The following CPQ variants were observed in gnomAD, a reference collection of about 807,000 sequenced individuals.
CPQ encodes the protein Ser-Met dipeptidase.
CPQ carries 37 observed loss-of-function variants against 45.7 expected under a neutral mutation model. The ratio of observed to expected loss-of-function variants is 0.81; its 90% confidence interval spans 0.62 to 1.07. The LOEUF (loss-of-function observed/expected upper bound fraction) is 1.07, where lower values mean the gene tolerates loss of function less well. Among genes scored for constraint, CPQ ranks in the 50% least tolerant of loss-of-function variants. The pLI is 0.00. For missense variants in CPQ, 537 were observed against 572.9 expected, an observed-to-expected ratio of 0.94 and a Z score of 0.64; for synonymous variants, 186 against 205.8, an observed-to-expected ratio of 0.90 and a Z score of 0.82.
chr8:96,986,393 G>T (rs1808981356), intron 5 of CPQ, among the ~76,000 whole-genome samples: 1 of 152,162 alleles, frequency 6.6e-6, no homozygotes, highest in Non-Finnish European at 1.5e-5. Flanking sequence ...TATATAATCA[G>T]CTCTCAAAGA....
At chr8:96,791,593 T>A (rs1313492604) in intron 2 of CPQ, among the ~76,000 whole-genome samples, 2 of 152,186 alleles carry the variant, frequency 1.3e-5, no homozygotes, top group Non-Finnish European at 2.9e-5. Flanking sequence ...CCTCGTTCCA[T>A]GGGGCTCAAA....
At chr8:96,967,443 A>G (rs983569103) in intron 5 of CPQ, among the ~76,000 whole-genome samples, 1 of 152,212 alleles carries the variant, frequency 6.6e-6, no homozygotes, top group Non-Finnish European at 1.5e-5. Context: ...CTAGATTGGA[A>G]TAAAAATTGT....
intron 1 of CPQ, among the ~76,000 whole-genome samples, chr8:96,720,951 G>C (rs1346376590): frequency 6.6e-6 from 1 of 151,118 alleles, no homozygotes; most frequent in Non-Finnish European, 1.5e-5. Flanking sequence ...TTAATAAGGT[G>C]TTCATGGGTT....
chr8:97,051,234 G>A (rs940757269), intron 6 of CPQ, among the ~76,000 whole-genome samples: 1 of 152,060 alleles, frequency 6.6e-6, no homozygotes, highest in African/African-American at 2.4e-5. Flanking sequence ...GAAACCTATG[G>A]ACCTCTTTTC....
intron 1 of CPQ, among the ~76,000 whole-genome samples, chr8:96,737,791 T>A (rs946391364): frequency 6.6e-6 from 1 of 152,112 alleles, no homozygotes; most frequent in African/African-American, 2.4e-5. Context: ...TGTTTCTTAT[T>A]ATAAGTATTT....
At chr8:96,979,862 A>T (rs1813859088) in intron 5 of CPQ, among the ~76,000 whole-genome samples, 1 of 152,130 alleles carries the variant, frequency 6.6e-6, no homozygotes, top group Non-Finnish European at 1.5e-5. Context: ...TGCCCTCCTC[A>T]TATTAGATAA....
intron 7 of CPQ, among the ~76,000 whole-genome samples, chr8:97,102,996 G>A (rs1811340546): frequency 6.6e-6 from 1 of 151,940 alleles, no homozygotes; most frequent in African/African-American, 2.4e-5. Flanking sequence ...CTAGTGCCTT[G>A]GGGCCCCTTC....
At chr8:96,808,020 G>T (rs376318987) in intron 2 of CPQ, among the ~76,000 whole-genome samples, 5 of 152,168 alleles carry the variant, frequency 3.3e-5, no homozygotes, top group Admixed American at 2.0e-4. Context: ...ACAAAGCTGG[G>T]ATTCCGTGCT....
Position 97,102,685 on chromosome 8 carries a change from T to C in CPQ, c.1255+36475T>C, listed in dbSNP as rs1231293886. Among the ~76,000 whole-genome samples the C allele has an allele frequency of 2.0e-5, 3 of 152,230 alleles. No individual in the cohort carries two copies. In the East Asian group the frequency reaches 5.8e-4, roughly 29 times the overall value. On this transcript the variant is annotated intron_variant, in intron 7 of 7. Transcript: ENST00000220763. ...CTGTAAAATGAGATTAAAAACAGTG[T>C]CACTGAGGGAATTATGGTGCACTAA...
At chr8:97,028,086 ATGTAGAAATTGCT>A (rs1167728929) in intron 5 of CPQ, among the ~76,000 whole-genome samples, 1 of 152,222 alleles carries the variant, frequency 6.6e-6, no homozygotes. Context: ...GAGGAACTGA[ATGTAGAAATTGCT>A]TGTCCATGTT....
intron 7 of CPQ, among the ~76,000 whole-genome samples, chr8:97,129,921 T>A (rs1811913993): frequency 1.3e-5 from 2 of 152,282 alleles, no homozygotes; most frequent in East Asian, 3.9e-4. Context: ...TGAATGAATA[T>A]GGTGCCCTTT....
chr8:96,965,571 G>A (rs998903902), intron 4 of CPQ, among the ~76,000 whole-genome samples: 3 of 151,840 alleles, frequency 2.0e-5, no homozygotes, highest in Non-Finnish European at 2.9e-5. Context: ...GGGTTTCACC[G>A]TGTTAACCAG....
chr8:97,107,318 C>T (rs180687613), intron 7 of CPQ, among the ~76,000 whole-genome samples: 1 of 152,330 alleles, frequency 6.6e-6, no homozygotes, highest in African/African-American at 2.4e-5. Flanking sequence ...GAGTTCTGTT[C>T]TATAACTTGG....
intron 2 of CPQ, among the ~76,000 whole-genome samples, chr8:96,827,599 C>T (rs557907349): frequency 7.6e-4 from 115 of 152,188 alleles, no homozygotes; most frequent in South Asian, 2.1e-3. Flanking sequence ...TATATGTCCA[C>T]AGCCCTTAAA....
intron 5 of CPQ, among the ~76,000 whole-genome samples, chr8:97,014,081 T>G (rs1022735777): frequency 2.0e-5 from 3 of 152,142 alleles, no homozygotes; most frequent in African/African-American, 7.2e-5. Context: ...GCCAGTGACA[T>G]GTTCAAAGCA....
At chr8:96,744,158 G>C (rs1329936245) in intron 1 of CPQ, among the ~76,000 whole-genome samples, 2 of 152,062 alleles carry the variant, frequency 1.3e-5, no homozygotes, top group African/African-American at 4.8e-5. Flanking sequence ...TCTGAGCCAG[G>C]TGCGGGATAT....
chr8:97,106,205 C>T (rs557075840), intron 7 of CPQ, among the ~76,000 whole-genome samples: 1 of 151,552 alleles, frequency 6.6e-6, no homozygotes, highest in African/African-American at 2.4e-5. Flanking sequence ...TCAGGAAAAC[C>T]CAGGACCAGG....
In CPQ at chr8:96,868,547, T is replaced by TA. The variant is rs532989327; in HGVS notation, c.642-11251_642-11250insA. 1.2e-4 allele frequency among the ~76,000 whole-genome samples: 19 copies of TA among 152,178 alleles called. No individual in the cohort carries two copies. The South Asian group carries it at 3.9e-3, about 31-fold the overall frequency. ...TTCTCACAATGTTTATGATTAGCCT[T>TA]GTTCATACTTTTCTGTTGCCTAGGA... is the stretch of plus-strand genomic sequence containing the variant. On this transcript the variant is annotated intron_variant, in intron 3 of 7. Coordinates refer to ENST00000220763, the MANE Select transcript of CPQ (RefSeq NM_016134.4).
chr8:96,710,494 T>A (rs1002649128), intron 1 of CPQ, among the ~76,000 whole-genome samples: 2 of 152,184 alleles, frequency 1.3e-5, no homozygotes, highest in Non-Finnish European at 2.9e-5. Context: ...GACCTATAAT[T>A]TTCCTCTTAG....
Sources: allele counts gnomAD v4.1 joint callset (sites outside exome capture counted in the v4.1 genomes callset), GRCh38; gene constraint gnomAD v4.1.1; transcripts MANE v1.5; gene names NCBI Gene and HGNC (gene_info 2026-07-23, HGNC 2026-07-21).